TAF15: variants seen among roughly 807,000 people sequenced by gnomAD.
The protein encoded by TAF15 is TATA-binding protein-associated factor 2N.
Under a neutral mutation model 102.5 loss-of-function variants are expected in TAF15, and 37 were observed. That is an observed-to-expected ratio of 0.36 (90% confidence interval 0.28 to 0.47). TAF15 has a LOEUF of 0.47. Among genes scored for constraint, TAF15 ranks in the 20% least tolerant of loss-of-function variants. The pLI, the probability that TAF15 is intolerant of heterozygous loss-of-function variation, is 0.99. For synonymous variants in TAF15, 273 were observed against 259.2 expected (o/e 1.05, Z -0.51); for missense variants, 652 against 760.7 (o/e 0.86, Z 1.68).
chr17:35,814,931 A>G (rs994000969), intron 1 of TAF15, among the ~76,000 whole-genome samples: 7 of 152,196 alleles, frequency 4.6e-5, no homozygotes, highest in Admixed American at 2.6e-4. Context: ...TGACAAGTCC[A>G]TAGTTATATG....
At chr17:35,811,751 C>G (rs1287371174) in intron 1 of TAF15, among the ~76,000 whole-genome samples, 1 of 152,210 alleles carries the variant, frequency 6.6e-6, no homozygotes. Context: ...GTCTAACATT[C>G]AAATACTGTT....
In TAF15 at chr17:35,822,695, T is replaced by G. The variant is rs1283356639; in HGVS notation, c.346T>G (p.Tyr116Asp). The change falls in exon 6 of 16, where the codon TAT becomes GAT. Residue 116 changes from tyrosine to aspartate, a missense_variant. Physicochemically the swap from Tyr to Asp is radical, Grantham distance 160 (BLOSUM62 -3). Around this residue, in one of 3 missense-constraint regions of TAF15, gnomAD observed 243 missense variants for 284.1 expected, o/e 0.86. Coordinates refer to ENST00000605844, the MANE Select transcript of TAF15 (RefSeq NM_139215.3). ...GCCAGACTATGGTCAACAAGATTCA[T>G]ATGACCAGCAGTCAGGCTATGATCA... The part of the protein sequence containing the change: ...DQPDYGQQDS[Y>D]DQQSGYDQHQ... 1.9e-6 allele frequency: 3 copies of G among 1,614,032 alleles called. No individual in the cohort carries two copies. Among genetic ancestry groups the G allele is most frequent in the Non-Finnish European group, 2.5e-6 (3 of 1,180,044 alleles).
intron 7 of TAF15, among the ~76,000 whole-genome samples, chr17:35,825,178 A>C (rs1462446319): frequency 2.0e-5 from 3 of 152,258 alleles, no homozygotes. Flanking sequence ...CAAGTGAGCC[A>C]GGATTTGATT....
rs187380389 is a variant in TAF15, at chr17:35,844,721, C to T, written c.1422C>T (p.Asp474=). 11 of 1,597,878 alleles carry T rather than the reference C, an allele frequency of 6.9e-6. No homozygotes were observed. The highest frequency in any genetic ancestry group is 4.5e-5 in the East Asian group (2 of 44,540). The change falls in exon 15 of 16, where the codon GAC becomes GAT. Residue 474 remains aspartate (D), a synonymous_variant. Transcript: ENST00000605844. Reference sequence around the variant, plus strand: ...ACAGAGGAGGCGGCTATGGAGGAGACCGAGGAGGTGGCTATGGAGGAGATC... The same window carrying T: ...ACAGAGGAGGCGGCTATGGAGGAGATCGAGGAGGTGGCTATGGAGGAGATC... The part of the protein sequence containing the change: ...GGDRGGGYGG[D]RGGGYGGDRG...
At chr17:35,840,125 G>A (rs2143819866) in intron 11 of TAF15, among the ~76,000 whole-genome samples, 1 of 152,160 alleles carries the variant, frequency 6.6e-6, no homozygotes, top group Admixed American at 6.5e-5. Flanking sequence ...TTCAAACTCA[G>A]CCGTGCTGGA....
intron 1 of TAF15, among the ~76,000 whole-genome samples, chr17:35,814,232 C>T (rs2087164699): frequency 6.6e-6 from 1 of 151,766 alleles, no homozygotes; most frequent in African/African-American, 2.4e-5. Flanking sequence ...GTGGCGCAAT[C>T]TCGGCTCACT....
At chr17:35,833,969 C>A in intron 8 of TAF15, 28 bp downstream of exon 8, 1 of 1,612,700 alleles carries the variant, frequency 6.2e-7, no homozygotes, top group South Asian at 1.1e-5. Flanking sequence ...CAAAATGTTT[C>A]AGTGGAAATG....
Position 35,822,929 on chromosome 17 carries a change from G to C in TAF15, c.484+96G>C. 2.0e-6 allele frequency: 3 copies of C among 1,476,782 alleles called. No individual in the cohort carries two copies. In the South Asian group the frequency reaches 3.5e-5, roughly 17 times the overall value. The allele number at this position is 1,476,782 out of a possible 1,614,324, so 91.5% of individuals were successfully genotyped here. A position where few individuals can be genotyped will look rare whatever the true frequency, so the allele number is the denominator to read the frequency against. On this transcript the variant is annotated intron_variant, in intron 6 of 15. Coordinates refer to ENST00000605844, the MANE Select transcript of TAF15 (RefSeq NM_139215.3). ...GAACCACAGAGGATTTCACCTGTTT[G>C]TAAAAATTTAGGGTAACCTTGAAGA...
chr17:35,813,989 T>G (rs1337612865), intron 1 of TAF15, among the ~76,000 whole-genome samples: 1 of 148,580 alleles, frequency 6.7e-6, no homozygotes, highest in Non-Finnish European at 1.5e-5. Context: ...TTTTTCTGTT[T>G]TTTTTGTTGT....
chr17:35,830,968 A>G (rs2087397477), intron 7 of TAF15, among the ~76,000 whole-genome samples: 1 of 152,314 alleles, frequency 6.6e-6, no homozygotes, highest in African/African-American at 2.4e-5. Flanking sequence ...CAGATTTTCA[A>G]GATTGATTAG....
At chr17:35,826,968 A>G (rs1290798470) in intron 7 of TAF15, among the ~76,000 whole-genome samples, 2 of 151,854 alleles carry the variant, frequency 1.3e-5, no homozygotes, top group Non-Finnish European at 2.9e-5. Flanking sequence ...AATGTTTTGA[A>G]TTTGAATATA....
intron 10 of TAF15, among the ~76,000 whole-genome samples, chr17:35,837,840 G>C (rs906717966): frequency 1.3e-5 from 2 of 151,926 alleles, no homozygotes; most frequent in African/African-American, 4.8e-5. Context: ...AAAAAGTTAC[G>C]TATTTACATG....
At chr17:35,846,861 G>C in intron 15 of TAF15, 45 bp from the exon 16 acceptor site, 1 of 1,611,516 alleles carries the variant, frequency 6.2e-7, no homozygotes, top group Non-Finnish European at 8.5e-7. Flanking sequence ...CTCCCCCTTC[G>C]TAGAAAATTA....
At chr17:35,841,938 G>A (rs2087552909) in intron 11 of TAF15, among the ~76,000 whole-genome samples, 2 of 151,988 alleles carry the variant, frequency 1.3e-5, no homozygotes. Flanking sequence ...CCTCAAGTGA[G>A]GCTTCTATCT....
chr17:35,809,708 C>A, intron 1 of TAF15, 132 bp downstream of exon 1: 4 of 1,235,044 alleles, frequency 3.2e-6, no homozygotes, highest in Non-Finnish European at 4.6e-6. Flanking sequence ...GGGGGGCGGC[C>A]GCTGCCGCCG....
intron 7 of TAF15, among the ~76,000 whole-genome samples, chr17:35,825,796 A>C (rs1183958806): frequency 6.6e-6 from 1 of 152,062 alleles, no homozygotes; most frequent in Non-Finnish European, 1.5e-5. Context: ...AAAATACAAA[A>C]AATTAGCCAG....
chr17:35,833,290 T>C (rs1377420159), intron 7 of TAF15, among the ~76,000 whole-genome samples: 1 of 152,186 alleles, frequency 6.6e-6, no homozygotes, highest in Non-Finnish European at 1.5e-5. Context: ...ATAGTGGGTA[T>C]AGAGTAGGAG....
rs4251745 is a variant in TAF15 at position 35,822,556 on chromosome 17, G to A, written c.291-84G>A. On this transcript the variant is annotated intron_variant, in intron 5 of 15. Coordinates refer to ENST00000605844, the MANE Select transcript of TAF15 (RefSeq NM_139215.3). ...ATGGTTAATGTCTCTAACTGGTCAGGACTCTTAACATCAGTTTCAGCCAAC... is the reference window on the plus strand; with the variant it reads ...ATGGTTAATGTCTCTAACTGGTCAGAACTCTTAACATCAGTTTCAGCCAAC... 4,978 of 1,271,484 alleles carry A rather than the reference G, an allele frequency of 3.9e-3. 134 individuals are homozygous for A. The African/African-American group carries it at 0.061, about 16-fold the overall frequency. The allele number at this position is 1,271,484 out of a possible 1,614,324, so 78.8% of individuals were successfully genotyped here.
intron 1 of TAF15, among the ~76,000 whole-genome samples, chr17:35,812,121 A>G (rs1418037226): frequency 1.3e-5 from 2 of 152,200 alleles, no homozygotes; most frequent in African/African-American, 2.4e-5. Context: ...CATAAATTCT[A>G]GACTTAATGT....
Sources: allele counts gnomAD v4.1 joint callset (sites outside exome capture counted in the v4.1 genomes callset), GRCh38; gene constraint gnomAD v4.1.1; regional missense constraint gnomAD v4.1.1; transcripts MANE v1.5; gene names NCBI Gene and HGNC (gene_info 2026-07-23, HGNC 2026-07-21).